Variants in DSE observed in about 807,000 individuals in gnomAD.
DSE encodes dermatan-sulfate epimerase.
A neutral mutation model predicts 84.4 loss-of-function variants in DSE; 36 were observed. The ratio of observed to expected loss-of-function variants is 0.43; its 90% CI spans 0.33 to 0.56. The LOEUF (loss-of-function observed/expected upper bound fraction) is 0.56, where lower values mean the gene tolerates loss of function less well. Ranked by LOEUF, DSE falls within the 20% of genes least tolerant of loss-of-function variation. The probability of loss-of-function intolerance (pLI) is 0.06; values close to 1 mark genes in which losing one functional copy is unlikely to be tolerated. For missense variants in DSE, 862 were observed against 1,169.6 expected (o/e 0.74, Z 3.84); for synonymous variants, 410 against 430.1 (o/e 0.95, Z 0.58).
At chr6:116,265,030 A>C (rs1772563431) in intron 2 of DSE, among the ~76,000 whole-genome samples, 1 of 152,180 alleles carries the variant, frequency 6.6e-6, no homozygotes, top group Non-Finnish European at 1.5e-5. Flanking sequence ...TTGCAGCAAC[A>C]GGGGGATCTG....
In DSE at chr6:116,435,850, C is replaced by G; in HGVS notation, c.1382C>G (p.Ala461Gly). The change falls in exon 6 of 6, where the codon GCT becomes GGT. Residue 461 changes from alanine to glycine, a missense_variant. Ala to Gly is a moderately conservative substitution (Grantham distance 60). Coordinates refer to ENST00000644252, the MANE Select transcript of DSE (RefSeq NM_013352.4). ...EHPDQNSFTF[A>G]PNGVPFITEA... ...CCTGATCAAAACTCATTTACTTTTGCTCCCAATGGTGTGCCTTTCATTACT... is the reference window on the plus strand; with the variant it reads ...CCTGATCAAAACTCATTTACTTTTGGTCCCAATGGTGTGCCTTTCATTACT... 1 of 1,614,152 alleles carries G rather than the reference C, an allele frequency of 6.2e-7. No individual in the cohort carries two copies. The highest frequency in any genetic ancestry group is 8.5e-7 in the Non-Finnish European group (1 of 1,180,020).
intron 2 of DSE, chr6:116,278,438 A>T (rs1773269097): frequency 6.3e-7 from 1 of 1,587,794 alleles, no homozygotes; most frequent in African/African-American, 1.3e-5. Context: ...TAGAAGGCAT[A>T]CTCATTGCTG....
intron 2 of DSE, among the ~76,000 whole-genome samples, chr6:116,416,689 T>C (rs892499773): frequency 6.6e-6 from 1 of 152,120 alleles, no homozygotes; most frequent in African/African-American, 2.4e-5. Flanking sequence ...GACTGGCCAC[T>C]GTCCATCATC....
chr6:116,373,921 G>A (rs1036157407), intron 1 of DSE, among the ~76,000 whole-genome samples: 3 of 152,020 alleles, frequency 2.0e-5, no homozygotes, highest in African/African-American at 7.3e-5. Context: ...TCACTCAATA[G>A]TATTATTTCA....
At chr6:116,405,749 G>T (rs1364878255) in intron 2 of DSE, among the ~76,000 whole-genome samples, 1 of 152,192 alleles carries the variant, frequency 6.6e-6, no homozygotes, top group Non-Finnish European at 1.5e-5. Context: ...GTTACAAATG[G>T]ATTCTTGGGC....
chr6:116,325,116 A>G (rs1776542444), intron 2 of DSE, among the ~76,000 whole-genome samples: 1 of 152,116 alleles, frequency 6.6e-6, no homozygotes, highest in East Asian at 1.9e-4. Flanking sequence ...ACCCCGAATC[A>G]TGTCTGGTGG....
chr6:116,278,808 C>T (rs760866590), intron 2 of DSE: 1 of 1,614,110 alleles, frequency 6.2e-7, no homozygotes, highest in South Asian at 1.1e-5. Flanking sequence ...AGGATCTTAC[C>T]TCATATTCCT....
chr6:116,399,406 A>G lies in DSE; in HGVS notation c.156A>G (p.Glu52=). ...CCATGCTGTACTTCTCCAGGGCAGAAGTGGCGGAGCTGCAGCTCAGGGCTG... is the reference window on the plus strand; with the variant it reads ...CCATGCTGTACTTCTCCAGGGCAGAGGTGGCGGAGCTGCAGCTCAGGGCTG... ...SHPMLYFSRA[E]VAELQLRAAS... Residue 52 remains glutamate, a synonymous_variant, in exon 2 of 6, where the codon GAA becomes GAG. Coordinates refer to ENST00000644252, the MANE Select transcript of DSE (RefSeq NM_013352.4). 6.2e-7 allele frequency: 1 copy of G among 1,614,222 alleles called. No homozygotes were observed.
At chr6:116,372,645 T>A (rs898104773) in intron 1 of DSE, among the ~76,000 whole-genome samples, 4 of 152,226 alleles carry the variant, frequency 2.6e-5, no homozygotes, top group Non-Finnish European at 5.9e-5. Context: ...TATTGTGACC[T>A]CTTCCTTTGA....
At chr6:116,300,089 ATAG>A (rs1372904802) in intron 2 of DSE, among the ~76,000 whole-genome samples, 3 of 152,334 alleles carry the variant, frequency 2.0e-5, no homozygotes, top group African/African-American at 7.2e-5. Context: ...GAAGATGTAT[ATAG>A]TAGTAAGAGA....
In DSE at chr6:116,442,370, G is replaced by A. The variant is rs1784456112; in HGVS notation, c.*5025G>A. 6.6e-6 allele frequency: 1 copy of A among 152,136 alleles called. No homozygotes were observed. The highest frequency in any genetic ancestry group is 2.1e-4 in the South Asian group (1 of 4,830). The allele number at this position is 152,136 out of a possible 1,614,324, so 9.4% of individuals were successfully genotyped here. A position where few individuals can be genotyped will look rare whatever the true frequency, so the allele number is the denominator to read the frequency against. ...GAATAAGTAGTAGGAAGCGGGTCCA[G>A]GAGGTTGTTTTAGCCATGTTAAGTT... On this transcript the variant is annotated 3_prime_UTR_variant, in exon 6 of 6. Transcript: ENST00000644252.
At chr6:116,367,925 G>A (rs1412569700), upstream of DSE, among the ~76,000 whole-genome samples, 2 of 152,064 alleles carry the variant, frequency 1.3e-5, no homozygotes, top group East Asian at 3.9e-4. Context: ...CTGAAACCGA[G>A]GCAAGAAACT....
At chr6:116,374,425 G>C (rs1035407622) in intron 1 of DSE, among the ~76,000 whole-genome samples, 1 of 152,028 alleles carries the variant, frequency 6.6e-6, no homozygotes, top group Non-Finnish European at 1.5e-5. Flanking sequence ...TTGCTGAGGG[G>C]GCTGGATCTT....
chr6:116,314,197 T>C (rs575270973), intron 2 of DSE, among the ~76,000 whole-genome samples: 249 of 152,346 alleles, frequency 1.6e-3, no homozygotes, highest in African/African-American at 5.6e-3. Flanking sequence ...TGCTTTGTTA[T>C]CATATGGCAG....
intron 1 of DSE, among the ~76,000 whole-genome samples, chr6:116,396,472 C>G (rs1933342145): frequency 6.6e-6 from 1 of 152,178 alleles, no homozygotes; most frequent in African/African-American, 2.4e-5. Context: ...TGCAGAATCT[C>G]TATGGGTTCT....
At chr6:116,389,335 C>T (rs1041075792) in intron 1 of DSE, among the ~76,000 whole-genome samples, 2 of 151,944 alleles carry the variant, frequency 1.3e-5, no homozygotes, top group Admixed American at 6.6e-5. Flanking sequence ...AGCTTGCACC[C>T]TCAAACACTG....
At chr6:116,273,382 G>C (rs9374597) in intron 2 of DSE, among the ~76,000 whole-genome samples, 36,801 of 152,106 alleles carry the variant, frequency 0.24, 5,567 homozygotes, top group East Asian at 0.64. Context: ...TATAGGTCTT[G>C]ACAACCTCTG....
At chr6:116,396,217 T>C (rs1290643448) in intron 1 of DSE, among the ~76,000 whole-genome samples, 8 of 152,144 alleles carry the variant, frequency 5.3e-5, no homozygotes, top group Admixed American at 2.0e-4. Context: ...CCATGATACA[T>C]AGAGGAAGAA....
intron 2 of DSE, among the ~76,000 whole-genome samples, chr6:116,316,409 A>C (rs1479967368): frequency 6.6e-6 from 1 of 152,100 alleles, no homozygotes; most frequent in African/African-American, 2.4e-5. Context: ...ATAATAATCT[A>C]TATGATTTAA....
Sources: gnomAD v4.1 joint callset for allele counts (sites outside exome capture counted in the v4.1 genomes callset) on GRCh38, gnomAD v4.1.1 for gene constraint, MANE v1.5 for transcripts, NCBI Gene and HGNC (gene_info 2026-07-23, HGNC 2026-07-21) for gene names.